The following RPAP2 variants were observed in gnomAD, a reference collection of about 807,000 sequenced individuals.
RPAP2 encodes RNA polymerase II associated protein 2.
RPAP2 carries 52 observed loss-of-function variants against 73.1 expected under a neutral mutation model. That is an observed-to-expected ratio of 0.71 (90% CI 0.57 to 0.90). RPAP2 has a LOEUF of 0.90. Among genes scored for constraint, RPAP2 ranks in the 40% least tolerant of loss-of-function variants. The pLI, the probability that RPAP2 is intolerant of heterozygous loss-of-function variation, is 0.00. For synonymous variants in RPAP2, 225 were observed against 242.1 expected (o/e 0.93, Z 0.65); for missense variants, 598 against 701.8 (o/e 0.85, Z 1.67).
Position 92,391,226 on chromosome 1 carries a change from A to T in RPAP2, c.*4215A>T, listed in dbSNP as rs1208508375. 6.6e-6 allele frequency: 1 copy of T among 152,220 alleles called. No individual in the cohort carries two copies. The highest frequency in any genetic ancestry group is 2.4e-5 in the African/African-American group (1 of 41,466). The allele number at this position is 152,220 out of a possible 1,614,324, so 9.4% of individuals were successfully genotyped here. A position where few individuals can be genotyped will look rare whatever the true frequency, so the allele number is the denominator to read the frequency against. Reference sequence around the variant, plus strand: ...AATCAAATTAGAACTCAGGATCAAGAATCTCACTCAACTGCACAACTGCAT... The same window carrying T: ...AATCAAATTAGAACTCAGGATCAAGTATCTCACTCAACTGCACAACTGCAT... On this transcript the variant is annotated 3_prime_UTR_variant, in exon 13 of 13. Transcript: ENST00000610020.
chr1:92,327,219 A>G (rs1327345214), intron 8 of RPAP2, among the ~76,000 whole-genome samples: 1 of 152,154 alleles, frequency 6.6e-6, no homozygotes, highest in African/African-American at 2.4e-5. Flanking sequence ...TCATTCAGGA[A>G]CAGGTCTTGA....
intron 2 of RPAP2, among the ~76,000 whole-genome samples, chr1:92,300,877 A>G (rs1181969825): frequency 1.3e-5 from 2 of 152,244 alleles, no homozygotes; most frequent in African/African-American, 4.8e-5. Context: ...GTTCTTGCCT[A>G]GTGGAACAGA....
chr1:92,336,718 T>A (rs1410954042), intron 10 of RPAP2, among the ~76,000 whole-genome samples: 1 of 152,136 alleles, frequency 6.6e-6, no homozygotes, highest in Non-Finnish European at 1.5e-5. Context: ...ACTATGGGTT[T>A]AAGTGAAATA....
At chr1:92,370,128 G>A (rs565184009) in intron 11 of RPAP2, among the ~76,000 whole-genome samples, 11 of 152,224 alleles carry the variant, frequency 7.2e-5, no homozygotes, top group African/African-American at 2.2e-4. Flanking sequence ...AAAGTGATCC[G>A]CCCGCATCAG....
rs1656003642 is a variant in RPAP2 at position 92,390,334 on chromosome 1, C to G, written c.*3323C>G. 6.6e-6 allele frequency: 1 copy of G among 152,192 alleles called. No individual in the cohort carries two copies. Among genetic ancestry groups the G allele is most frequent in the Admixed American group, 6.5e-5 (1 of 15,272 alleles). The allele number at this position is 152,192 out of a possible 1,614,324, so 9.4% of individuals were successfully genotyped here. A position where few individuals can be genotyped will look rare whatever the true frequency, so the allele number is the denominator to read the frequency against. On this transcript the variant is annotated 3_prime_UTR_variant, in exon 13 of 13. Coordinates refer to ENST00000610020, the MANE Select transcript of RPAP2 (RefSeq NM_024813.3). ...AAGGAGAAATAAAATCCTTTACAGA[C>G]AAGCAAATGCTGAGAGATTTTGTCA...
Position 92,393,506 on chromosome 1 carries a change from C to T in RPAP2, c.*6495C>T, listed in dbSNP as rs1228843786. On this transcript the variant is annotated 3_prime_UTR_variant, in exon 13 of 13. Transcript: ENST00000610020. The stretch of plus-strand genomic sequence containing the variant: ...GGGTTCTAATTAAAGAGCTTCTGCA[C>T]AGCAAAATAAACTATCATCAGAGTG... The T allele has an allele frequency of 6.6e-6, 1 of 152,180 alleles. No homozygotes were observed. Among genetic ancestry groups the T allele is most frequent in the African/African-American group, 2.4e-5 (1 of 41,442 alleles). The allele number at this position is 152,180 out of a possible 1,614,324, so 9.4% of individuals were successfully genotyped here. A position where few individuals can be genotyped will look rare whatever the true frequency, so the allele number is the denominator to read the frequency against.
At chr1:92,300,466 A>T (rs1252206445) in intron 2 of RPAP2, among the ~76,000 whole-genome samples, 1 of 152,144 alleles carries the variant, frequency 6.6e-6, no homozygotes, top group Admixed American at 6.5e-5. Flanking sequence ...TGAAGGAATG[A>T]GTGTCTGTAG....
chr1:92,391,257 C>A lies in RPAP2; in HGVS notation c.*4246C>A, dbSNP rs1656031085. ...ACTCAACTGCACAACTGCATGGAAA[C>A]TGAACAACCTGTTCCTGAATGACTA... On this transcript the variant is annotated 3_prime_UTR_variant, in exon 13 of 13. Transcript: ENST00000610020. The A allele has an allele frequency of 6.6e-6, 1 of 152,194 alleles. No individual in the cohort carries two copies. The highest frequency in any genetic ancestry group is 2.1e-4 in the South Asian group (1 of 4,830). The allele number at this position is 152,194 out of a possible 1,614,324, so 9.4% of individuals were successfully genotyped here.
intron 11 of RPAP2, among the ~76,000 whole-genome samples, chr1:92,364,981 C>A (rs932913428): frequency 6.6e-6 from 1 of 152,186 alleles, no homozygotes; most frequent in African/African-American, 2.4e-5. Context: ...ACCTTATTTC[C>A]CTTTTATGTC....
chr1:92,300,071 A>G lies in RPAP2; in HGVS notation c.74-123A>G. On this transcript the variant is annotated intron_variant, in intron 1 of 12. Coordinates refer to ENST00000610020, the MANE Select transcript of RPAP2 (RefSeq NM_024813.3). ...TACTAAGTACTGTAGGCAACTGTAT[A>G]TCTAAACATAGAAAAGGTACAGTAA... 4 of 665,822 alleles carry G rather than the reference A, an allele frequency of 6.0e-6. No homozygotes were observed. In the Middle Eastern group the frequency reaches 1.3e-3, roughly 208 times the overall value. The allele number at this position is 665,822 out of a possible 1,614,324, so 41.2% of individuals were successfully genotyped here. A position where few individuals can be genotyped will look rare whatever the true frequency, so the allele number is the denominator to read the frequency against.
intron 11 of RPAP2, among the ~76,000 whole-genome samples, chr1:92,368,369 ACT>A (rs1051963812): frequency 2.1e-4 from 32 of 152,048 alleles, no homozygotes; most frequent in Admixed American, 9.8e-4. Context: ...ACAGAGCAAG[ACT>A]CTGTCTCAAA....
intron 8 of RPAP2, among the ~76,000 whole-genome samples, chr1:92,326,513 C>G (rs192591910): frequency 1.2e-3 from 176 of 152,200 alleles, no homozygotes; most frequent in African/African-American, 3.9e-3. Context: ...TGGGTAGGGC[C>G]GTAGAACTCC....
Position 92,393,422 on chromosome 1 carries a change from C to T in RPAP2, c.*6411C>T, listed in dbSNP as rs1404961228. The stretch of plus-strand genomic sequence containing the variant: ...ATACCATTCAGGACATAGGCATGGG[C>T]AAAGACTTCATGTCTAAAACACCAA... On this transcript the variant is annotated 3_prime_UTR_variant, in exon 13 of 13. Coordinates refer to ENST00000610020, the MANE Select transcript of RPAP2 (RefSeq NM_024813.3). The T allele has an allele frequency of 6.6e-6, 1 of 152,146 alleles. No individual in the cohort carries two copies. Among genetic ancestry groups the T allele is most frequent in the Non-Finnish European group, 1.5e-5 (1 of 68,044 alleles). The allele number at this position is 152,146 out of a possible 1,614,324, so 9.4% of individuals were successfully genotyped here.
chr1:92,352,870 G>C (rs780469116), intron 11 of RPAP2, among the ~76,000 whole-genome samples: 39 of 151,992 alleles, frequency 2.6e-4, no homozygotes, highest in Non-Finnish European at 5.1e-4. Context: ...CCTTCCTCTA[G>C]TCCTCTGGCA....
At chr1:92,325,464 A>G (rs2101188968) in intron 8 of RPAP2, among the ~76,000 whole-genome samples, 1 of 152,290 alleles carries the variant, frequency 6.6e-6, no homozygotes, top group South Asian at 2.1e-4. Context: ...TGAGCTGCAT[A>G]AACCTACCAT....
intron 6 of RPAP2, among the ~76,000 whole-genome samples, chr1:92,309,240 G>A (rs1029504169): frequency 2.6e-5 from 4 of 152,022 alleles, no homozygotes; most frequent in Non-Finnish European, 4.4e-5. Flanking sequence ...TCAAGAGATC[G>A]AGACCATCCT....
At chr1:92,372,357 C>T (rs1655192164) in intron 11 of RPAP2, among the ~76,000 whole-genome samples, 1 of 152,186 alleles carries the variant, frequency 6.6e-6, no homozygotes, top group African/African-American at 2.4e-5. Context: ...AAAGCTAACG[C>T]CTAAGCCTGC....
chr1:92,335,844 A>G (rs997631724), intron 9 of RPAP2, among the ~76,000 whole-genome samples: 3 of 152,070 alleles, frequency 2.0e-5, no homozygotes, highest in African/African-American at 7.2e-5. Context: ...CATATTTTTT[A>G]TGTTCATCTG....
intron 12 of RPAP2, among the ~76,000 whole-genome samples, chr1:92,385,537 T>C (rs1228918626): frequency 6.6e-6 from 1 of 152,220 alleles, no homozygotes; most frequent in Non-Finnish European, 1.5e-5. Context: ...AGTAGAAGGA[T>C]AGAAGGTTTT....
Sources: allele counts gnomAD v4.1 joint callset (sites outside exome capture counted in the v4.1 genomes callset), GRCh38; gene constraint gnomAD v4.1.1; transcripts MANE v1.5; gene names NCBI Gene and HGNC (gene_info 2026-07-23, HGNC 2026-07-21).